Variants in FAM151B observed in about 807,000 individuals in gnomAD.
FAM151B encodes family with sequence similarity 151 member B, also known as protein FAM151B.
Under a neutral mutation model 31.2 loss-of-function variants are expected in FAM151B, and 24 were observed. The ratio of observed to expected loss-of-function variants is 0.77; its 90% CI spans 0.56 to 1.08. FAM151B has a LOEUF of 1.08. Ranked by LOEUF, FAM151B falls within the 50% of genes least tolerant of loss-of-function variation. The probability of loss-of-function intolerance (pLI) is 0.00; values close to 1 mark genes in which losing one functional copy is unlikely to be tolerated. For synonymous variants in FAM151B, 105 were observed against 111.4 expected, an observed-to-expected ratio of 0.94 and a Z score of 0.36; for missense variants, 293 against 328.6, an observed-to-expected ratio of 0.89 and a Z score of 0.84.
intron 2 of FAM151B, 43 bp downstream of exon 2, chr5:80,501,960 T>G (rs1055919730): frequency 6.9e-7 from 1 of 1,454,914 alleles, no homozygotes; most frequent in Non-Finnish European, 9.2e-7. Flanking sequence ...GGATAATAGA[T>G]TAATTCAACT....
intron 1 of FAM151B, chr5:80,501,087 C>T (rs997868695): frequency 9.7e-6 from 4 of 410,820 alleles, no homozygotes; most frequent in Admixed American, 3.6e-5. Context: ...GATCTCAGCT[C>T]ACTGCAACCT....
At chr5:80,526,896 G>C (rs1744998088) in intron 5 of FAM151B, among the ~76,000 whole-genome samples, 1 of 152,102 alleles carries the variant, frequency 6.6e-6, no homozygotes, top group South Asian at 2.1e-4. Flanking sequence ...AAAGGCCAGG[G>C]ATGCTGCTTT....
chr5:80,495,210 G>A, intron 1 of FAM151B: 1 of 152,380 alleles, frequency 6.6e-6, no homozygotes, highest in Non-Finnish European at 1.5e-5. Flanking sequence ...CAAGAGCTCT[G>A]ATGGAGATGT....
intron 2 of FAM151B, among the ~76,000 whole-genome samples, chr5:80,507,401 C>A (rs1182690730): frequency 6.6e-6 from 1 of 152,156 alleles, no homozygotes; most frequent in African/African-American, 2.4e-5. Context: ...CACTTGGAGG[C>A]CAGGTGTGGT....
chr5:80,527,991 A>G (rs1434498081), intron 5 of FAM151B, among the ~76,000 whole-genome samples: 1 of 152,098 alleles, frequency 6.6e-6, no homozygotes, highest in East Asian at 1.9e-4. Flanking sequence ...CTTTCTTTAT[A>G]TCCTATTCTA....
intron 1 of FAM151B, 120 bp from the exon 2 acceptor site, chr5:80,501,672 C>CTA (rs137888883): frequency 3.9e-4 from 232 of 590,396 alleles, no homozygotes; most frequent in African/African-American, 4.8e-4. Flanking sequence ...ATCTATCTAT[C>CTA]TATATATATA....
chr5:80,528,864 A>G (rs180935170), intron 5 of FAM151B, among the ~76,000 whole-genome samples: 12 of 152,324 alleles, frequency 7.9e-5, no homozygotes, highest in Admixed American at 2.6e-4. Flanking sequence ...CAGGAATTGA[A>G]CTCAGCTCTG....
Position 80,522,156 on chromosome 5 carries a change from A to G in FAM151B, c.671+18A>G. On this transcript the variant is annotated intron_variant, in intron 5 of 5. Transcript: ENST00000282226. Reference sequence around the variant, plus strand: ...TCAAACAGGTATGTAATAGTTTAACAAATGTGTATGTGAGTGTGTATGAGA... The same window carrying G: ...TCAAACAGGTATGTAATAGTTTAACGAATGTGTATGTGAGTGTGTATGAGA... 2 of 1,607,566 alleles carry G rather than the reference A, an allele frequency of 1.2e-6. No homozygotes were observed. The highest frequency in any genetic ancestry group is 1.3e-5 in the African/African-American group (1 of 75,036).
intron 4 of FAM151B, among the ~76,000 whole-genome samples, chr5:80,520,739 T>C (rs979200058): frequency 5.5e-4 from 82 of 148,058 alleles, no homozygotes; most frequent in Non-Finnish European, 1.1e-3. Context: ...TATATAAAAA[T>C]ATATATTCTC....
chr5:80,520,100 C>T (rs777444313), intron 4 of FAM151B, among the ~76,000 whole-genome samples, 190 bp downstream of exon 4: 18 of 152,098 alleles, frequency 1.2e-4, no homozygotes, highest in Non-Finnish European at 1.8e-4. Flanking sequence ...TCACTGGTGA[C>T]GCTGCAGATT....
chr5:80,495,435 T>C (rs1743494269), intron 1 of FAM151B, among the ~76,000 whole-genome samples: 1 of 152,172 alleles, frequency 6.6e-6, no homozygotes, highest in African/African-American at 2.4e-5. Context: ...GGTAAAAATA[T>C]CAACATTAAC....
At chr5:80,488,173 G>T in intron 1 of FAM151B, 25 bp downstream of exon 1, 3 of 1,536,902 alleles carry the variant, frequency 2.0e-6, no homozygotes, top group South Asian at 1.2e-5. Flanking sequence ...CGCGGCCTCT[G>T]CCTGGAGGTG....
chr5:80,525,680 C>T (rs1409071070), intron 5 of FAM151B, among the ~76,000 whole-genome samples: 2 of 151,926 alleles, frequency 1.3e-5, no homozygotes, highest in Admixed American at 6.6e-5. Flanking sequence ...TAGAAGCTGA[C>T]GTACACTATC....
At chr5:80,514,000 C>A (rs1026545459) in intron 3 of FAM151B, among the ~76,000 whole-genome samples, 2 of 151,918 alleles carry the variant, frequency 1.3e-5, no homozygotes, top group Admixed American at 6.6e-5. Flanking sequence ...TCATAAGTGA[C>A]CATCGTGACA....
intron 5 of FAM151B, among the ~76,000 whole-genome samples, chr5:80,538,184 C>T (rs946672513): frequency 6.6e-6 from 1 of 151,862 alleles, no homozygotes; most frequent in Non-Finnish European, 1.5e-5. Context: ...TCTCCTGCCT[C>T]AGCCTCCCAA....
At chr5:80,498,447 C>G in intron 1 of FAM151B, 2 of 458,170 alleles carry the variant, frequency 4.4e-6, no homozygotes, top group East Asian at 4.4e-5. Flanking sequence ...TTCCGATAGC[C>G]ATTTTTAGGT....
intron 1 of FAM151B, among the ~76,000 whole-genome samples, chr5:80,488,706 C>T (rs1743206190): frequency 6.6e-6 from 1 of 152,198 alleles, no homozygotes; most frequent in Admixed American, 6.5e-5. Context: ...CATGAGACAA[C>T]GTCAGTGACG....
chr5:80,488,180 G>T (rs761134301), intron 1 of FAM151B, 32 bp downstream of exon 1: 38 of 1,532,158 alleles, frequency 2.5e-5, no homozygotes, highest in Non-Finnish European at 3.2e-5. Context: ...TCTGCCTGGA[G>T]GTGGGGCGCT....
intron 1 of FAM151B, chr5:80,501,364 G>T: frequency 2.4e-6 from 3 of 1,276,386 alleles, no homozygotes; most frequent in Non-Finnish European, 3.3e-6. Context: ...TGGCAACAGG[G>T]AGGACCAGAT....
Sources: gnomAD v4.1 joint callset for allele counts (sites outside exome capture counted in the v4.1 genomes callset) on GRCh38, gnomAD v4.1.1 for gene constraint, MANE v1.5 for transcripts, NCBI Gene and HGNC (gene_info 2026-07-23, HGNC 2026-07-21) for gene names.